Variants in RASGRF2 observed in about 807,000 individuals in gnomAD.
RASGRF2 encodes Ras protein specific guanine nucleotide releasing factor 2.
Under a neutral mutation model 151.0 loss-of-function variants are expected in RASGRF2, and 76 were observed. That is an observed-to-expected ratio of 0.50 (90% confidence interval 0.42 to 0.61). RASGRF2 has a LOEUF of 0.61. Ranked by LOEUF, RASGRF2 falls within the 20% of genes least tolerant of loss-of-function variation. RASGRF2 has a pLI of 0.00. For missense variants in RASGRF2, 1,148 were observed against 1,564.6 expected, an observed-to-expected ratio of 0.73 and a Z score of 4.49; for synonymous variants, 504 against 566.5, an observed-to-expected ratio of 0.89 and a Z score of 1.57.
intron 17 of RASGRF2, among the ~76,000 whole-genome samples, chr5:81,149,314 A>T (rs1409449868): frequency 1.3e-5 from 2 of 152,212 alleles, no homozygotes; most frequent in Non-Finnish European, 2.9e-5. Context: ...AGAAGACAAA[A>T]GTGGCCTTTG....
At chr5:81,182,731 T>G (rs1323887698) in intron 18 of RASGRF2, among the ~76,000 whole-genome samples, 1 of 152,218 alleles carries the variant, frequency 6.6e-6, no homozygotes, top group Non-Finnish European at 1.5e-5. Context: ...GGGCCTAGCC[T>G]GGGCCATTTC....
intron 1 of RASGRF2, among the ~76,000 whole-genome samples, chr5:81,040,327 G>A (rs1460339342): frequency 6.6e-6 from 1 of 152,050 alleles, no homozygotes; most frequent in Non-Finnish European, 1.5e-5. Context: ...TAAGTGACTT[G>A]ATACTATTCC....
chr5:80,999,490 G>A (rs1223262671), intron 1 of RASGRF2, among the ~76,000 whole-genome samples: 1 of 151,982 alleles, frequency 6.6e-6, no homozygotes, highest in African/African-American at 2.4e-5. Context: ...CTACAGGTGC[G>A]TGCCACCATG....
At chr5:81,104,839 TA>T (rs1433524226) in intron 12 of RASGRF2, among the ~76,000 whole-genome samples, 3 of 152,154 alleles carry the variant, frequency 2.0e-5, no homozygotes, top group African/African-American at 7.2e-5. Flanking sequence ...ACTTGCTTCT[TA>T]TGTTGGGAAC....
intron 5 of RASGRF2, among the ~76,000 whole-genome samples, chr5:81,076,407 A>G (rs1751938288): frequency 6.6e-6 from 1 of 152,068 alleles, no homozygotes; most frequent in African/African-American, 2.4e-5. Flanking sequence ...CAGGGAAGGA[A>G]TAGTACATGG....
intron 23 of RASGRF2, 88 bp downstream of exon 23, chr5:81,212,651 T>C: frequency 7.8e-7 from 1 of 1,283,322 alleles, no homozygotes; most frequent in African/African-American, 1.5e-5. Flanking sequence ...AATTAGGAAA[T>C]CATTAACTGA....
At chr5:81,202,133 T>G (rs919600946) in intron 19 of RASGRF2, among the ~76,000 whole-genome samples, 6 of 152,134 alleles carry the variant, frequency 3.9e-5, no homozygotes, top group African/African-American at 1.2e-4. Context: ...ATTTTTTTTT[T>G]GTCCACTCTA....
At chr5:81,097,998 G>C (rs61110776) in intron 12 of RASGRF2, among the ~76,000 whole-genome samples, 1 of 152,194 alleles carries the variant, frequency 6.6e-6, no homozygotes, top group Non-Finnish European at 1.5e-5. Context: ...TGGAAGCAGG[G>C]AGATGAGTGA....
chr5:81,022,311 A>G (rs10474023), intron 1 of RASGRF2, among the ~76,000 whole-genome samples: 6,744 of 152,206 alleles, frequency 0.044, 505 homozygotes, highest in African/African-American at 0.15. Flanking sequence ...AGTCATCCAC[A>G]GGATAGTTGG....
chr5:81,033,594 C>T (rs1332531681), intron 1 of RASGRF2, among the ~76,000 whole-genome samples: 90 of 148,492 alleles, frequency 6.1e-4, no homozygotes, highest in African/African-American at 2.2e-3. Context: ...TGGCTAGCCA[C>T]ATGTGGAAAG....
chr5:80,992,860 A>C (rs1190449067), intron 1 of RASGRF2, among the ~76,000 whole-genome samples: 1 of 152,234 alleles, frequency 6.6e-6, no homozygotes, highest in East Asian at 1.9e-4. Context: ...CATTTTCTAG[A>C]AGATGCTATT....
chr5:81,076,029 G>A (rs1206669240), intron 5 of RASGRF2, among the ~76,000 whole-genome samples: 3 of 152,152 alleles, frequency 2.0e-5, no homozygotes, highest in Non-Finnish European at 4.4e-5. Context: ...TCCTGGAAAC[G>A]AAAGCAAGAG....
At chr5:80,986,861 A>C (rs1389102523) in intron 1 of RASGRF2, among the ~76,000 whole-genome samples, 4 of 152,094 alleles carry the variant, frequency 2.6e-5, no homozygotes, top group African/African-American at 9.7e-5. Context: ...TTTCCTGCTT[A>C]ATATTTGCTG....
Position 81,023,300 on chromosome 5 carries a change from T to G in RASGRF2, c.289-19577T>G, listed in dbSNP as rs942768768. ...TTAAAGACACAAACAAGGTCATAACTCTGTTTTAATTATTTCTTTCACTTT... is the reference window on the plus strand; with the variant it reads ...TTAAAGACACAAACAAGGTCATAACGCTGTTTTAATTATTTCTTTCACTTT... On this transcript the variant is annotated intron_variant, in intron 1 of 26. Coordinates refer to ENST00000265080, the MANE Select transcript of RASGRF2 (RefSeq NM_006909.3). Among the ~76,000 whole-genome samples the G allele has an allele frequency of 4.6e-5, 7 of 152,238 alleles. No individual in the cohort carries two copies. In the East Asian group the frequency reaches 1.3e-3, roughly 29 times the overall value.
intron 1 of RASGRF2, among the ~76,000 whole-genome samples, chr5:81,030,845 C>T (rs1307488540): frequency 1.3e-5 from 2 of 152,186 alleles, no homozygotes; most frequent in African/African-American, 4.8e-5. Flanking sequence ...AATTAAAAGA[C>T]ACAGACTGGC....
At chr5:81,114,000 G>C in intron 15 of RASGRF2, 80 bp downstream of exon 15, 1 of 1,472,604 alleles carries the variant, frequency 6.8e-7, no homozygotes, top group Non-Finnish European at 9.2e-7. Flanking sequence ...TGGAACACTG[G>C]TTCCCTTTCT....
At chr5:81,154,683 A>G (rs1013468269) in intron 17 of RASGRF2, among the ~76,000 whole-genome samples, 6 of 152,254 alleles carry the variant, frequency 3.9e-5, no homozygotes, top group Admixed American at 3.9e-4. Context: ...AATAAACTTG[A>G]AAAGTCTCAA....
In RASGRF2 at chr5:81,078,879, A is replaced by G. The variant is rs76911599; in HGVS notation, c.888-1242A>G. Among the ~76,000 whole-genome samples, 749 of 152,254 alleles carry G rather than the reference A, an allele frequency of 4.9e-3. 6 individuals carry two copies. Among genetic ancestry groups the G allele is most frequent in the African/African-American group, 0.017 (726 of 41,556 alleles). ...AGTAAAGTCAGGGAGCAGCCCTTAAACTGTTGACTTTCAGAGAACATAGAC... is the reference window on the plus strand; with the variant it reads ...AGTAAAGTCAGGGAGCAGCCCTTAAGCTGTTGACTTTCAGAGAACATAGAC... On this transcript the variant is annotated intron_variant, in intron 5 of 26. Coordinates refer to ENST00000265080, the MANE Select transcript of RASGRF2 (RefSeq NM_006909.3).
intron 9 of RASGRF2, chr5:81,087,265 G>A (rs995260724): frequency 4.3e-6 from 3 of 702,960 alleles, no homozygotes; most frequent in Admixed American, 2.0e-5. Flanking sequence ...GCCCACGGCC[G>A]TGGCAGTGCC....
Sources: gnomAD v4.1 joint callset for allele counts (sites outside exome capture counted in the v4.1 genomes callset) on GRCh38, gnomAD v4.1.1 for gene constraint, MANE v1.5 for transcripts, NCBI Gene and HGNC (gene_info 2026-07-23, HGNC 2026-07-21) for gene names.